ADK: variants seen among roughly 807,000 people sequenced by gnomAD.
The protein encoded by ADK is adenosine kinase.
Under a neutral mutation model 44.7 loss-of-function variants are expected in ADK, and 24 were observed. The ratio of observed to expected loss-of-function variants is 0.54; its 90% CI spans 0.39 to 0.76. The LOEUF (loss-of-function observed/expected upper bound fraction) is 0.76, where lower values mean the gene tolerates loss of function less well. Among genes scored for constraint, ADK ranks in the 30% least tolerant of loss-of-function variants. ADK has a pLI of 0.00. For synonymous variants in ADK, 128 were observed against 142.6 expected (o/e 0.90, Z 0.73); for missense variants, 321 against 425.1 (o/e 0.76, Z 2.15).
intron 2 of ADK, among the ~76,000 whole-genome samples, chr10:74,218,300 G>A (rs958593122): frequency 6.6e-6 from 1 of 152,114 alleles, no homozygotes; most frequent in African/African-American, 2.4e-5. Flanking sequence ...GAAATGAAGC[G>A]AGAAGGGAAG....
intron 4 of ADK, among the ~76,000 whole-genome samples, chr10:74,327,503 G>A (rs115416597): frequency 0.019 from 2,921 of 152,240 alleles, 72 homozygotes; most frequent in African/African-American, 0.057. Context: ...ATGTCTGTTA[G>A]GCCTATTTGG....
intron 1 of ADK, among the ~76,000 whole-genome samples, chr10:74,168,636 G>A (rs1398197493): frequency 1.3e-5 from 2 of 150,996 alleles, no homozygotes; most frequent in Admixed American, 6.6e-5. Flanking sequence ...TTTTTTAGAC[G>A]GAGTCTCTCT....
At position 74,302,168 on chromosome 10, in the gene ADK, G is replaced by A. The variant is rs377252977; in HGVS notation, c.195-12499G>A. Among the ~76,000 whole-genome samples the A allele has an allele frequency of 1.2e-3, 135 of 116,570 alleles. 3 individuals are homozygous for A. The East Asian group carries it at 0.033, about 29-fold the overall frequency. The allele number at this position is 116,570 out of a possible 152,430, so 76.5% of individuals were successfully genotyped here. ...TTTTGAGATGGAGTCTTGCTCTGTC[G>A]ACCAGGCTGGGGTGCAGTGGCGTGA... On this transcript the variant is annotated intron_variant, in intron 3 of 10. Transcript: ENST00000539909.
intron 4 of ADK, among the ~76,000 whole-genome samples, chr10:74,351,196 G>A (rs191046400): frequency 2.6e-5 from 4 of 152,234 alleles, no homozygotes; most frequent in Non-Finnish European, 1.5e-5. Context: ...GCTGGCAAAC[G>A]AATCCAGCGA....
chr10:74,367,296 A>G (rs747565876), intron 4 of ADK, among the ~76,000 whole-genome samples: 1 of 152,142 alleles, frequency 6.6e-6, no homozygotes, highest in African/African-American at 2.4e-5. Context: ...GCTTTAAAAA[A>G]CTTCTTTGCC....
At chr10:74,664,542 A>G (rs912736420) in intron 9 of ADK, among the ~76,000 whole-genome samples, 9 of 152,184 alleles carry the variant, frequency 5.9e-5, no homozygotes, top group African/African-American at 2.2e-4. Context: ...AAAAACAAGC[A>G]CAACTAAAAG....
chr10:74,579,780 A>G (rs1328939374), intron 7 of ADK, among the ~76,000 whole-genome samples: 1 of 152,216 alleles, frequency 6.6e-6, no homozygotes, highest in Non-Finnish European at 1.5e-5. Flanking sequence ...CCAAGTACTG[A>G]ACCACATAAG....
At chr10:74,170,320 TAAA>T (rs945683125) in intron 1 of ADK, among the ~76,000 whole-genome samples, 2 of 152,246 alleles carry the variant, frequency 1.3e-5, no homozygotes, top group East Asian at 3.9e-4. Flanking sequence ...ATTCCTGTCT[TAAA>T]GAATCTTTAT....
chr10:74,662,997 G>A (rs12782778), intron 9 of ADK, among the ~76,000 whole-genome samples: 1 of 152,072 alleles, frequency 6.6e-6, no homozygotes, highest in African/African-American at 2.4e-5. Context: ...GGGAGGCCAA[G>A]GTGGGTGGAT....
chr10:74,635,591 C>A (rs1350615029), intron 9 of ADK, among the ~76,000 whole-genome samples: 1 of 152,070 alleles, frequency 6.6e-6, no homozygotes, highest in African/African-American at 2.4e-5. Context: ...TCATGATTCT[C>A]CAGTCAAGGC....
At chr10:74,158,703 T>C (rs892485558) in intron 1 of ADK, among the ~76,000 whole-genome samples, 9 of 152,356 alleles carry the variant, frequency 5.9e-5, no homozygotes, top group African/African-American at 1.7e-4. Context: ...TTATTACTTA[T>C]TTATAGTTTA....
intron 10 of ADK, among the ~76,000 whole-genome samples, chr10:74,679,621 A>G (rs867743461): frequency 6.6e-6 from 1 of 151,778 alleles, no homozygotes; most frequent in Non-Finnish European, 1.5e-5. Context: ...CGTGAATGCC[A>G]TTCATGTTGG....
chr10:74,274,944 G>A (rs1038295377), intron 3 of ADK, among the ~76,000 whole-genome samples: 7 of 151,430 alleles, frequency 4.6e-5, no homozygotes, highest in Non-Finnish European at 1.0e-4. Flanking sequence ...CAGTACAGAA[G>A]CTTATACACC....
intron 7 of ADK, among the ~76,000 whole-genome samples, chr10:74,550,012 T>C (rs1455127285): frequency 6.6e-6 from 1 of 152,148 alleles, no homozygotes; most frequent in Non-Finnish European, 1.5e-5. Flanking sequence ...GTCTAATGAT[T>C]TGCAGTCAGG....
chr10:74,234,687 G>A (rs1210043465), intron 3 of ADK, among the ~76,000 whole-genome samples: 1 of 152,082 alleles, frequency 6.6e-6, no homozygotes, highest in Non-Finnish European at 1.5e-5. Flanking sequence ...TTGATGAATG[G>A]TAATCTGATA....
chr10:74,262,812 T>G (rs1846086041), intron 3 of ADK, among the ~76,000 whole-genome samples: 1 of 152,200 alleles, frequency 6.6e-6, no homozygotes, highest in African/African-American at 2.4e-5. Context: ...ATTGACTAAC[T>G]CAAGAAAACT....
At chr10:74,629,989 A>G (rs1853352469) in intron 9 of ADK, among the ~76,000 whole-genome samples, 2 of 152,204 alleles carry the variant, frequency 1.3e-5, no homozygotes, top group African/African-American at 4.8e-5. Context: ...TTTACTTACA[A>G]ATTAATCCTA....
At chr10:74,667,268 A>G (rs1011474676) in intron 9 of ADK, among the ~76,000 whole-genome samples, 24 of 152,286 alleles carry the variant, frequency 1.6e-4, no homozygotes, top group Admixed American at 3.9e-4. Context: ...AGTTCTTTAG[A>G]TAATAGAAAA....
At chr10:74,224,876 G>A (rs1844470428) in intron 3 of ADK, among the ~76,000 whole-genome samples, 1 of 152,014 alleles carries the variant, frequency 6.6e-6, no homozygotes, top group South Asian at 2.1e-4. Flanking sequence ...TCTCTTTCCA[G>A]ATAAAATATT....
Sources: allele counts gnomAD v4.1 joint callset (sites outside exome capture counted in the v4.1 genomes callset), GRCh38; gene constraint gnomAD v4.1.1; transcripts MANE v1.5; gene names NCBI Gene and HGNC (gene_info 2026-07-23, HGNC 2026-07-21).